DNAAF9: variants seen among roughly 807,000 people sequenced by gnomAD.
DNAAF9 encodes shulin.
A neutral mutation model predicts 167.0 loss-of-function variants in DNAAF9; 90 were observed. The ratio of observed to expected loss-of-function variants is 0.54; its 90% CI spans 0.45 to 0.64. The LOEUF is 0.64. Among genes scored for constraint, DNAAF9 ranks in the 30% least tolerant of loss-of-function variants. The probability of loss-of-function intolerance (pLI) is 0.00; values close to 1 mark genes in which losing one functional copy is unlikely to be tolerated. For synonymous variants in DNAAF9, 491 were observed against 508.8 expected (o/e 0.96, Z 0.47); for missense variants, 1,315 against 1,442.2 (o/e 0.91, Z 1.43).
In DNAAF9 at chr20:3,290,206, G is replaced by A; in HGVS notation, c.2250C>T (p.Ser750=). 1 of 1,605,794 alleles carries A rather than the reference G, an allele frequency of 6.2e-7. No homozygotes were observed. Among genetic ancestry groups the A allele is most frequent in the Non-Finnish European group, 8.5e-7 (1 of 1,172,344 alleles). Residue 750 remains serine (S), a synonymous_variant, in exon 26 of 37, where the codon AGC becomes AGT. Transcript: ENST00000252032. ...HRIESDKVII[S]IVTGLPGCHA... ...GACAGCCTGGGAGGCCGGTTACAAT[G>A]CTGATAATTACCTACATGAAGAAAA...
intron 1 of DNAAF9, among the ~76,000 whole-genome samples, chr20:3,401,487 A>T (rs763176947): frequency 2.0e-5 from 3 of 152,220 alleles, no homozygotes; most frequent in Non-Finnish European, 2.9e-5. Flanking sequence ...GGCATAAGCC[A>T]CAGCACCCGG....
At chr20:3,385,740 C>T (rs1415149627) in intron 1 of DNAAF9, among the ~76,000 whole-genome samples, 2 of 152,138 alleles carry the variant, frequency 1.3e-5, no homozygotes, top group South Asian at 2.1e-4. Context: ...ATTTAAAATA[C>T]AATACCATTT....
intron 28 of DNAAF9, among the ~76,000 whole-genome samples, chr20:3,280,117 AAGG>A (rs1236260168): frequency 6.6e-6 from 1 of 152,156 alleles, no homozygotes; most frequent in East Asian, 1.9e-4. Flanking sequence ...GAAGAATTCC[AAGG>A]AGGAAAACCC....
intron 3 of DNAAF9, among the ~76,000 whole-genome samples, chr20:3,380,250 T>G (rs1294761306): frequency 6.6e-6 from 1 of 152,136 alleles, no homozygotes; most frequent in African/African-American, 2.4e-5. Context: ...TATTTTGTAA[T>G]CAAAATCTGA....
intron 1 of DNAAF9, among the ~76,000 whole-genome samples, chr20:3,395,079 T>G (rs1454187298): frequency 6.9e-6 from 1 of 144,538 alleles, no homozygotes; most frequent in African/African-American, 2.6e-5. Context: ...GCCATTCTCC[T>G]GCCTCAGCCT....
At chr20:3,367,759 GA>G (rs2083448532) in intron 6 of DNAAF9, among the ~76,000 whole-genome samples, 1 of 151,894 alleles carries the variant, frequency 6.6e-6, no homozygotes, top group African/African-American at 2.4e-5. Context: ...ACTCATCATG[GA>G]TTATCATAAC....
chr20:3,281,718 G>A lies in DNAAF9; in HGVS notation c.2535C>T (p.Asp845=), dbSNP rs752752800. ...TGGTGAAGGAGGCCTTGACATTTGA[G>A]TCTGGGTGGGTCTGCAGGGCCTGGA... The part of the protein sequence containing the change: ...DVVQALQTHP[D]SNVKASFTIG... Residue 845 remains aspartate (D), a synonymous_variant, in exon 28 of 37, where the codon GAC becomes GAT. Transcript: ENST00000252032. The A allele has an allele frequency of 6.2e-7, 1 of 1,612,730 alleles. No homozygotes were observed. The highest frequency in any genetic ancestry group is 8.5e-7 in the Non-Finnish European group (1 of 1,179,356).
intron 9 of DNAAF9, among the ~76,000 whole-genome samples, chr20:3,343,120 G>T (rs1283789543): frequency 6.6e-6 from 1 of 152,160 alleles, no homozygotes; most frequent in Non-Finnish European, 1.5e-5. Context: ...AGCCAGGAAT[G>T]AAATTAAAAA....
intron 8 of DNAAF9, among the ~76,000 whole-genome samples, chr20:3,347,328 A>AT (rs554408951): frequency 6.6e-6 from 1 of 152,164 alleles, no homozygotes; most frequent in East Asian, 1.9e-4. Context: ...CGAAATAAAG[A>AT]TTTTTTTTCC....
chr20:3,344,226 T>C (rs2070146930), intron 8 of DNAAF9, among the ~76,000 whole-genome samples: 1 of 152,140 alleles, frequency 6.6e-6, no homozygotes. Flanking sequence ...GATGGAAGTT[T>C]CCTGGGAAAT....
At chr20:3,300,648 C>T (rs2069167771) in intron 21 of DNAAF9, among the ~76,000 whole-genome samples, 2 of 149,032 alleles carry the variant, frequency 1.3e-5, no homozygotes, top group South Asian at 4.2e-4. Flanking sequence ...GGGTGCACTC[C>T]AGCCTGGGTG....
intron 17 of DNAAF9, 86 bp from the exon 18 acceptor site, chr20:3,316,879 G>A: frequency 1.5e-6 from 1 of 688,276 alleles, no homozygotes; most frequent in South Asian, 1.9e-5. Context: ...CCCTTCTCAG[G>A]AGCTAGGGTT....
Position 3,270,534 on chromosome 20 carries a change from A to G in DNAAF9, c.2679T>C (p.Ser893=). 6.2e-7 allele frequency: 1 copy of G among 1,612,638 alleles called. No individual in the cohort carries two copies. Among genetic ancestry groups the G allele is most frequent in the South Asian group, 1.1e-5 (1 of 91,008 alleles). The change falls in exon 30 of 37, where the codon AGT becomes AGC. Residue 893 remains serine (S), a synonymous_variant. Coordinates refer to ENST00000252032, the MANE Select transcript of DNAAF9 (RefSeq NM_001009984.3). ...QGLVSNVVFT[S]HTTEQRHPLL... is the part of the protein sequence containing the mutation. ...GAGGGTGCCGCTGCTCCGTGGTGTG[A>G]CTGGTGAATACCACGTTACTCACCA...
At chr20:3,382,842 G>A (rs548825928) in intron 1 of DNAAF9, among the ~76,000 whole-genome samples, 1 of 152,258 alleles carries the variant, frequency 6.6e-6, no homozygotes, top group South Asian at 2.1e-4. Context: ...AACTTCCAAT[G>A]ACTTTTCATG....
At chr20:3,329,855 TC>T (rs1225427878) in intron 12 of DNAAF9, among the ~76,000 whole-genome samples, 1 of 152,228 alleles carries the variant, frequency 6.6e-6, no homozygotes, top group East Asian at 1.9e-4. Context: ...GTCTTTGGTT[TC>T]CTGCTGTATG....
At chr20:3,290,874 C>T (rs546857796) in intron 25 of DNAAF9, among the ~76,000 whole-genome samples, 15 of 151,784 alleles carry the variant, frequency 9.9e-5, no homozygotes, top group Admixed American at 2.6e-4. Flanking sequence ...CTACAACCTC[C>T]GCCTCCTGGG....
At chr20:3,360,876 TC>T (rs2083352771) in intron 6 of DNAAF9, among the ~76,000 whole-genome samples, 1 of 152,188 alleles carries the variant, frequency 6.6e-6, no homozygotes, top group African/African-American at 2.4e-5. Flanking sequence ...ATGTGGCCTT[TC>T]TCCGAGTTTA....
intron 7 of DNAAF9, among the ~76,000 whole-genome samples, chr20:3,359,197 G>A (rs2083327948): frequency 1.3e-5 from 2 of 152,140 alleles, no homozygotes; most frequent in Admixed American, 1.3e-4. Flanking sequence ...GCCAGAGAAA[G>A]CCTTCTGCAT....
At chr20:3,310,595 G>C (rs2069397006) in intron 20 of DNAAF9, among the ~76,000 whole-genome samples, 1 of 151,756 alleles carries the variant, frequency 6.6e-6, no homozygotes, top group Admixed American at 6.6e-5. Flanking sequence ...TGAGGCATGA[G>C]AATTGCTTGA....
Sources: gnomAD v4.1 joint callset for allele counts (sites outside exome capture counted in the v4.1 genomes callset) on GRCh38, gnomAD v4.1.1 for gene constraint, MANE v1.5 for transcripts, NCBI Gene and HGNC (gene_info 2026-07-23, HGNC 2026-07-21) for gene names.